Variants in CD72 observed in about 807,000 individuals in gnomAD.
CD72 encodes the protein CD72 molecule, also known as B-cell differentiation antigen CD72.
In CD72, 28 loss-of-function variants were observed where a neutral mutation model predicts 50.7. That is an observed-to-expected ratio of 0.55 (90% CI 0.41 to 0.76). The LOEUF (loss-of-function observed/expected upper bound fraction) is 0.76. Ranked by LOEUF, CD72 falls within the 30% of genes least tolerant of loss-of-function variation. CD72 has a pLI of 0.00. For synonymous variants in CD72, 176 were observed against 171.2 expected (o/e 1.03, Z -0.22); for missense variants, 403 against 420.6 (o/e 0.96, Z 0.37).
At chr9:35,623,350 C>T (rs73434886), upstream of CD72, among the ~76,000 whole-genome samples, 3,907 of 152,206 alleles carry the variant, frequency 0.026, 179 homozygotes, top group African/African-American at 0.089. Context: ...AGGCTGTAAG[C>T]GCCTTATAAA....
chr9:35,617,537 C>A (rs572906987), intron 2 of CD72, among the ~76,000 whole-genome samples: 1 of 152,112 alleles, frequency 6.6e-6, no homozygotes, highest in Non-Finnish European at 1.5e-5. Context: ...ACCCTCTCCC[C>A]CTTTGCTCTC....
chr9:35,635,104 G>A (rs980681059), intron 1 of CD72, among the ~76,000 whole-genome samples: 2 of 152,036 alleles, frequency 1.3e-5, no homozygotes, highest in Non-Finnish European at 2.9e-5. Flanking sequence ...TAACTTTCAG[G>A]GTTGCAGATG....
intron 2 of CD72, 50 bp downstream of exon 2, chr9:35,617,964 G>A (rs775099230): frequency 9.1e-7 from 1 of 1,096,166 alleles, no homozygotes; most frequent in South Asian, 1.2e-5. Flanking sequence ...GGACTCCCCA[G>A]CTCAAGACAC....
chr9:35,632,021 T>TTGCA (rs1470332133), intron 1 of CD72, among the ~76,000 whole-genome samples: 1 of 152,202 alleles, frequency 6.6e-6, no homozygotes, highest in African/African-American at 2.4e-5. Context: ...CACCTTCCTA[T>TTGCA]TGCAGTCTTT....
At chr9:35,632,438 G>A (rs770579588) in intron 1 of CD72, among the ~76,000 whole-genome samples, 10 of 152,044 alleles carry the variant, frequency 6.6e-5, no homozygotes, top group Non-Finnish European at 1.0e-4. Context: ...CCAAAGTGCT[G>A]GGATTACAGG....
chr9:35,625,486 G>A (rs1049284760), intron 1 of CD72, among the ~76,000 whole-genome samples: 2 of 152,208 alleles, frequency 1.3e-5, no homozygotes, highest in Admixed American at 6.5e-5. Context: ...AAAAGTGCAA[G>A]GTGAAGCAGC....
chr9:35,617,167 C>G lies in CD72; in HGVS notation c.262+9G>C. On this transcript the variant is annotated intron_variant, in intron 3 of 8. Coordinates refer to ENST00000259633, the MANE Select transcript of CD72 (RefSeq NM_001782.3). ...TGGCCCCGCGGCTGCCCCGCACAGG[C>G]ACACTCACAGGGGAGAATCCGCCCG... The G allele has an allele frequency of 6.4e-7, 1 of 1,559,466 alleles. No individual in the cohort carries two copies. Among genetic ancestry groups the G allele is most frequent in the Non-Finnish European group, 8.7e-7 (1 of 1,151,486 alleles).
chr9:35,616,774 C>A, intron 3 of CD72, 85 bp from the exon 4 acceptor site: 1 of 1,208,622 alleles, frequency 8.3e-7, no homozygotes, highest in Non-Finnish European at 1.2e-6. Flanking sequence ...GGGGAGACCC[C>A]TGGGGAAGGC....
chr9:35,643,578 G>C (rs1006163261), intron 1 of CD72: 1 of 152,128 alleles, frequency 6.6e-6, no homozygotes, highest in African/African-American at 2.4e-5. Context: ...CAAAGAGATG[G>C]CCCCCAACTA....
In CD72 at chr9:35,618,410, C is replaced by T; in HGVS notation, c.-107G>A. 6.4e-7 allele frequency: 1 copy of T among 1,562,772 alleles called. No individual in the cohort carries two copies. ...ACTAGGCTCTGTGTTCCCTCTGTGACTGCACGGCTTAGCAATTGGCCCTGT... is the reference window on the plus strand; with the variant it reads ...ACTAGGCTCTGTGTTCCCTCTGTGATTGCACGGCTTAGCAATTGGCCCTGT... On this transcript the variant is annotated 5_prime_UTR_variant, in exon 1 of 9. Transcript: ENST00000259633.
rs376323610 is a variant in CD72 at position 35,632,224 on chromosome 9, C to G, written n.409-14103G>C. On this transcript the variant is annotated intron_variant and non_coding_transcript_variant, in intron 1 of 3. Coordinates refer to the CD72 transcript ENST00000465754. The stretch of plus-strand genomic sequence containing the variant: ...ACGGAGTATCGCTCTGTCACCCAGG[C>G]TGGAGTGCAGTGGCGCGATCTCGGC... Among the ~76,000 whole-genome samples the G allele has an allele frequency of 5.8e-3, 871 of 151,458 alleles. 7 individuals carry two copies. Among genetic ancestry groups the G allele is most frequent in the Middle Eastern group, 0.014 (4 of 292 alleles).
intron 1 of CD72, among the ~76,000 whole-genome samples, chr9:35,630,812 C>T (rs1266013573): frequency 6.6e-6 from 1 of 152,088 alleles, no homozygotes; most frequent in African/African-American, 2.4e-5. Flanking sequence ...ACCTGTAATC[C>T]CAGCACTTTG....
intron 1 of CD72, among the ~76,000 whole-genome samples, chr9:35,629,304 T>TC (rs34128881): frequency 6.6e-6 from 1 of 152,040 alleles, no homozygotes; most frequent in African/African-American, 2.4e-5. Flanking sequence ...TATTTTTCTA[T>TC]CCCCCCAGAA....
chr9:35,642,890 C>T (rs1244993025), intron 1 of CD72: 1 of 152,116 alleles, frequency 6.6e-6, no homozygotes, highest in Non-Finnish European at 1.5e-5. Flanking sequence ...GAAAAAACTC[C>T]AACAATTGGA....
chr9:35,616,686 C>G lies in CD72; in HGVS notation c.266G>C (p.Arg89Pro), dbSNP rs757339870. 6.2e-7 allele frequency: 1 copy of G among 1,612,682 alleles called. No individual in the cohort carries two copies. The highest frequency in any genetic ancestry group is 2.2e-5 in the East Asian group (1 of 44,868). Residue 89 changes from arginine to proline, a missense_variant, in exon 4 of 9, where the codon CGC (arginine) becomes CCC (proline). By Grantham distance (103) the Arg-to-Pro change is moderately radical. Transcript: ENST00000259633. Reference sequence around the variant, plus strand: ...CAGGAGGTATCGCAGGCAGGTTGTGCGGCCTTAGGGGGACAGTGGGATGGA... The same window carrying G: ...CAGGAGGTATCGCAGGCAGGTTGTGGGGCCTTAGGGGGACAGTGGGATGGA... ...SPAVGRILPC[R>P]TTCLRYLLLG...
intron 3 of CD72, chr9:35,616,975 G>A: frequency 6.9e-7 from 1 of 1,442,988 alleles, no homozygotes; most frequent in Non-Finnish European, 9.1e-7. Flanking sequence ...TAGGTGAATT[G>A]GGACCATCCG....
intron 6 of CD72, among the ~76,000 whole-genome samples, chr9:35,612,527 G>C (rs368630201): frequency 1.3e-5 from 2 of 152,170 alleles, no homozygotes; most frequent in South Asian, 4.2e-4. Context: ...GGAGGTTGCA[G>C]TGAGCTGAGA....
chr9:35,624,917 A>C (rs754530101), intron 1 of CD72, among the ~76,000 whole-genome samples: 1 of 152,174 alleles, frequency 6.6e-6, no homozygotes, highest in Non-Finnish European at 1.5e-5. Context: ...ACTTAATAAA[A>C]GTTGTGTGTG....
At chr9:35,634,271 CTT>C (rs1259802477) in intron 1 of CD72, among the ~76,000 whole-genome samples, 1 of 152,130 alleles carries the variant, frequency 6.6e-6, no homozygotes, top group Admixed American at 6.5e-5. Flanking sequence ...ATACACATGA[CTT>C]TTCTAGTGTA....
Sources: allele counts gnomAD v4.1 joint callset (sites outside exome capture counted in the v4.1 genomes callset), GRCh38; gene constraint gnomAD v4.1.1; transcripts MANE v1.5; gene names NCBI Gene and HGNC (gene_info 2026-07-23, HGNC 2026-07-21).